Variants in EXOC7 observed in about 807,000 individuals in gnomAD.
EXOC7 encodes exocyst complex component Exo70.
In EXOC7, 51 loss-of-function variants were observed where a neutral mutation model predicts 87.6. That is an observed-to-expected ratio of 0.58 (90% CI 0.46 to 0.73). The LOEUF (loss-of-function observed/expected upper bound fraction) is 0.73, where lower values mean the gene tolerates loss of function less well. Among genes scored for constraint, EXOC7 ranks in the 30% least tolerant of loss-of-function variants. The probability of loss-of-function intolerance (pLI) is 0.00; values close to 1 mark genes in which losing one functional copy is unlikely to be tolerated. For missense variants in EXOC7, 744 were observed against 888.4 expected (o/e 0.84, Z 2.07); for synonymous variants, 327 against 357.1 (o/e 0.92, Z 0.95).
At chr17:76,085,858 C>G in intron 13 of EXOC7, 61 bp from the exon 14 acceptor site, 1 of 1,586,738 alleles carries the variant, frequency 6.3e-7, no homozygotes, top group Non-Finnish European at 8.6e-7. Context: ...GACCCCACCC[C>G]AGGACCCGCG....
In EXOC7 at chr17:76,082,010, C is replaced by T. The variant is rs1230829163; in HGVS notation, c.*1638G>A. 6.2e-7 allele frequency: 1 copy of T among 1,611,380 alleles called. No individual in the cohort carries two copies. Among genetic ancestry groups the T allele is most frequent in the Non-Finnish European group, 8.5e-7 (1 of 1,179,420 alleles). ...CCCCAGCCCAGCCCCGAGAGGGGAA[C>T]AGCGAGAGCACGGCAACCCAGGGCC... On this transcript the variant is annotated 3_prime_UTR_variant, in exon 19 of 19. Coordinates refer to ENST00000589210, the MANE Select transcript of EXOC7 (RefSeq NM_001013839.4).
chr17:76,085,799 T>C lies in EXOC7; in HGVS notation c.1496-2A>G, dbSNP rs777474583. 1 of 1,609,408 alleles carries C rather than the reference T, an allele frequency of 6.2e-7. No individual in the cohort carries two copies. Among genetic ancestry groups the C allele is most frequent in the South Asian group, 1.1e-5 (1 of 90,540 alleles). ...ACTGCAGGTTGCCCAGCACTTTACC[T>C]GCACAGGGAAAAATGGGGCCACACC... On this transcript the variant is annotated splice_acceptor_variant, in intron 13 of 18. Transcript: ENST00000589210. LOFTEE classifies it high-confidence loss of function.
intron 12 of EXOC7, 122 bp from the exon 13 acceptor site, chr17:76,086,267 G>T: frequency 2.0e-6 from 2 of 976,246 alleles, no homozygotes; most frequent in Non-Finnish European, 3.1e-6. Flanking sequence ...CTTGGGCAGA[G>T]CTGGCTGCCT....
chr17:76,103,604 C>T, intron 1 of EXOC7, 29 bp downstream of exon 1: 1 of 1,612,278 alleles, frequency 6.2e-7, no homozygotes. Context: ...CCCTCACCTC[C>T]TCCCCAGCCT....
In EXOC7 at chr17:76,103,412, CAG is replaced by C. The variant is rs772123087; in HGVS notation, c.73_74del (p.Leu25ValfsTer15). On this transcript the variant is annotated frameshift_variant, in exon 2 of 19. Transcript: ENST00000589210. LOFTEE classifies it high-confidence loss of function. ...EDKLKQEEETLSFIRDSLEKS... is the reference protein window; with the variant it reads ...EDKLKQEEETXSFIRDSLEKS... ...TCTCCAGGCTGTCTCGGATGAAGGA[CAG>C]AGTCTCCTCCTCCTGGGGGCAGGCA... is the stretch of plus-strand genomic sequence containing the variant. The C allele has an allele frequency of 5.0e-6, 8 of 1,606,684 alleles. No homozygotes were observed. Among genetic ancestry groups the C allele is most frequent in the Admixed American group, 1.7e-5 (1 of 59,020 alleles).
rs1023337364 is a variant in EXOC7, at chr17:76,103,194, G to C, written c.126+167C>G. 21 of 635,536 alleles carry C rather than the reference G, an allele frequency of 3.3e-5. No individual in the cohort carries two copies. The African/African-American group carries it at 3.8e-4, about 12-fold the overall frequency. The allele number at this position is 635,536 out of a possible 1,614,324, so 39.4% of individuals were successfully genotyped here. A position where few individuals can be genotyped will look rare whatever the true frequency, so the allele number is the denominator to read the frequency against. On this transcript the variant is annotated intron_variant, in intron 2 of 18. Transcript: ENST00000589210. ...CAGTGAGGGTACGGAACATGGGGAG[G>C]GGGCTAGGCAGGAGAGATGCCAAAC... is the stretch of plus-strand genomic sequence containing the variant.
chr17:76,086,842 C>T (rs757183568), intron 12 of EXOC7: 40 of 1,550,860 alleles, frequency 2.6e-5, no homozygotes, highest in Non-Finnish European at 3.0e-5. Flanking sequence ...GCTGCAGAAC[C>T]GCACTGCTTA....
In EXOC7 at chr17:76,103,758, C is replaced by G. The variant is rs2068202922; in HGVS notation, c.-66G>C. 1 of 1,509,622 alleles carries G rather than the reference C, an allele frequency of 6.6e-7. No homozygotes were observed. The highest frequency in any genetic ancestry group is 9.0e-7 in the Non-Finnish European group (1 of 1,114,604). 93.5% of individuals were successfully genotyped at this position (1,509,622 alleles called of 1,614,324 possible). ...TCCGCGGGCCCACCGGGCCCCCGTC[C>G]CCGTCACACCCACTTCCGCTCTTGG... is the stretch of plus-strand genomic sequence containing the variant. On this transcript the variant is annotated 5_prime_UTR_variant, in exon 1 of 19. Coordinates refer to ENST00000589210, the MANE Select transcript of EXOC7 (RefSeq NM_001013839.4).
chr17:76,086,279 C>T lies in EXOC7; in HGVS notation c.1430-134G>A. On this transcript the variant is annotated intron_variant, in intron 12 of 18. Transcript: ENST00000589210. ...TTCCTTGGGCAGAGCTGGCTGCCTG[C>T]TAAGCCACAGGGTGGCCCCTGCCGC... The T allele has an allele frequency of 5.6e-6, 5 of 888,358 alleles. 1 individual carries two copies. The Admixed American group carries it at 1.0e-4, about 18-fold the overall frequency. 55.0% of individuals were successfully genotyped at this position (888,358 alleles called of 1,614,324 possible).
chr17:76,101,185 T>A (rs1443301756), intron 4 of EXOC7, 86 bp downstream of exon 4: 1 of 1,611,424 alleles, frequency 6.2e-7, no homozygotes, highest in Non-Finnish European at 8.5e-7. Context: ...ACTGCATACA[T>A]CCTCAAGCTG....
In EXOC7 at chr17:76,101,872, G is replaced by T; in HGVS notation, c.127-9C>A. ...GATGATAAGATAGACACCTGCGGGA[G>T]GGAAGCCTCTTGATCTTGGGACTCA... On this transcript the variant is annotated splice_polypyrimidine_tract_variant and intron_variant, in intron 2 of 18. Transcript: ENST00000589210. 1 of 1,605,838 alleles carries T rather than the reference G, an allele frequency of 6.2e-7. No homozygotes were observed. Among genetic ancestry groups the T allele is most frequent in the South Asian group, 1.1e-5 (1 of 89,790 alleles).
Position 76,103,419 on chromosome 17 carries a change from T to A in EXOC7, c.68A>T (p.Glu23Val). ...EIEDKLKQEE[E>V]TLSFIRDSLE... ...GCTGTCTCGGATGAAGGACAGAGTC[T>A]CCTCCTCCTGGGGGCAGGCAAGGGG... Residue 23 changes from glutamate (E) to valine (V), a missense_variant, in exon 2 of 19, where the codon GAG becomes GTG. Physicochemically the swap from Glu to Val is moderately radical, Grantham distance 121. Transcript: ENST00000589210. The A allele has an allele frequency of 1.2e-6, 2 of 1,603,404 alleles. No individual in the cohort carries two copies. The highest frequency in any genetic ancestry group is 1.7e-6 in the Non-Finnish European group (2 of 1,174,766).
intron 13 of EXOC7, 59 bp from the exon 14 acceptor site, chr17:76,085,856 C>T (rs1192076755): frequency 2.0e-5 from 32 of 1,588,376 alleles, no homozygotes; most frequent in Non-Finnish European, 2.7e-5. Context: ...ACGACCCCAC[C>T]CCAGGACCCG....
chr17:76,082,715 G>C lies in EXOC7; in HGVS notation c.*933C>G. 6.7e-7 allele frequency: 1 copy of C among 1,492,154 alleles called. No individual in the cohort carries two copies. Among genetic ancestry groups the C allele is most frequent in the East Asian group, 2.4e-5 (1 of 42,338 alleles). 92.4% of individuals were successfully genotyped at this position (1,492,154 alleles called of 1,614,324 possible). ...TTTGCTTTCCCATGGCTGGGGGCGG[G>C]CCATGACAGGGCCTCTGGATTAAGC... is the stretch of plus-strand genomic sequence containing the variant. On this transcript the variant is annotated 3_prime_UTR_variant, in exon 19 of 19. Coordinates refer to ENST00000589210, the MANE Select transcript of EXOC7 (RefSeq NM_001013839.4).
At chr17:76,100,969 G>T in intron 4 of EXOC7, 1 of 276,504 alleles carries the variant, frequency 3.6e-6, no homozygotes, top group Non-Finnish European at 5.6e-6. Flanking sequence ...GCAAGACTCT[G>T]TCTCAGGAAA....
Position 76,082,747 on chromosome 17 carries a change from G to C in EXOC7, c.*901C>G. On this transcript the variant is annotated 3_prime_UTR_variant, in exon 19 of 19. Transcript: ENST00000589210. ...CAGGGCCTCTGGATTAAGCCACCCT[G>C]AGCTCTCCCTCCGCTAGCACACAAG... 8.0e-7 allele frequency: 1 copy of C among 1,247,522 alleles called. No individual in the cohort carries two copies. Among genetic ancestry groups the C allele is most frequent in the East Asian group, 2.5e-5 (1 of 39,372 alleles). The allele number at this position is 1,247,522 out of a possible 1,614,324, so 77.3% of individuals were successfully genotyped here. A position where few individuals can be genotyped will look rare whatever the true frequency, so the allele number is the denominator to read the frequency against.
chr17:76,096,111 A>G (rs1227621449), intron 5 of EXOC7, among the ~76,000 whole-genome samples: 4 of 152,178 alleles, frequency 2.6e-5, no homozygotes, highest in Admixed American at 2.6e-4. Context: ...ATGTGATCAG[A>G]TACATCGCGG....
intron 9 of EXOC7, 56 bp downstream of exon 9, chr17:76,088,715 C>A: frequency 6.2e-7 from 1 of 1,608,012 alleles, no homozygotes; most frequent in South Asian, 1.1e-5. Flanking sequence ...GGGGCGGCCA[C>A]ACCCGGCAGC....
At chr17:76,100,461 T>C (rs886611688) in intron 4 of EXOC7, among the ~76,000 whole-genome samples, 122 of 149,692 alleles carry the variant, frequency 8.2e-4, no homozygotes, top group African/African-American at 2.7e-3. Flanking sequence ...ATCCCGTTTC[T>C]ACTAAAACTA....
Sources: allele counts gnomAD v4.1 joint callset (sites outside exome capture counted in the v4.1 genomes callset), GRCh38; gene constraint gnomAD v4.1.1; transcripts MANE v1.5; gene names NCBI Gene and HGNC (gene_info 2026-07-23, HGNC 2026-07-21).